The following RORA variants were observed in gnomAD, a reference collection of about 807,000 sequenced individuals.
RORA encodes nuclear receptor ROR-alpha.
In RORA, 7 loss-of-function variants were observed where a neutral mutation model predicts 69.5. The observed-to-expected ratio is 0.10, with a 90% CI of 0.06 to 0.19. The LOEUF (loss-of-function observed/expected upper bound fraction) is 0.19, where lower values mean the gene tolerates loss of function less well. Among genes scored for constraint, RORA ranks in the 10% least tolerant of loss-of-function variants. The pLI is 1.00. For missense variants in RORA, 457 were observed against 663.0 expected (o/e 0.69, Z 3.41); for synonymous variants, 261 against 240.8 (o/e 1.08, Z -0.78).
At chr15:61,201,178 G>A (rs1234021077) in intron 1 of RORA, among the ~76,000 whole-genome samples, 2 of 152,178 alleles carry the variant, frequency 1.3e-5, no homozygotes, top group African/African-American at 4.8e-5. Context: ...ACAGTCCCAG[G>A]TACCCAAGCA....
intron 1 of RORA, among the ~76,000 whole-genome samples, chr15:60,716,189 G>A (rs1224645057): frequency 1.3e-5 from 2 of 152,210 alleles, no homozygotes; most frequent in African/African-American, 4.8e-5. Context: ...ACTTTGAGTA[G>A]CAAGATTCTA....
chr15:61,039,653 G>A (rs1896636898), intron 1 of RORA, among the ~76,000 whole-genome samples: 1 of 151,012 alleles, frequency 6.6e-6, no homozygotes, highest in African/African-American at 2.4e-5. Context: ...GCTGAGGCAG[G>A]CGAATCACTT....
chr15:61,070,301 G>T (rs782934), intron 1 of RORA, among the ~76,000 whole-genome samples: 1 of 152,054 alleles, frequency 6.6e-6, no homozygotes, highest in Non-Finnish European at 1.5e-5. Flanking sequence ...CTAGATACCT[G>T]GTACCTTCTA....
intron 1 of RORA, among the ~76,000 whole-genome samples, chr15:60,855,753 T>G (rs1464241995): frequency 9.5e-5 from 3 of 31,490 alleles, no homozygotes; most frequent in Non-Finnish European, 2.1e-4. Flanking sequence ...CCTGAGTAGC[T>G]GCACAGGCGC....
chr15:60,710,696 T>G (rs942588838), intron 1 of RORA, among the ~76,000 whole-genome samples: 3 of 152,138 alleles, frequency 2.0e-5, no homozygotes, highest in Non-Finnish European at 4.4e-5. Flanking sequence ...ACTCACATTC[T>G]CATGGCTGCA....
In RORA at chr15:60,491,762, A is replaced by G. The variant is rs1044485986; in HGVS notation, c.*5693T>C. ...GTGAAACCAATTGCACTGTGGAGAC[A>G]TTGCTAGTCAGTCTTCTCATCTCTT... On this transcript the variant is annotated 3_prime_UTR_variant, in exon 11 of 11. Coordinates refer to ENST00000335670, the MANE Select transcript of RORA (RefSeq NM_134261.3). The G allele has an allele frequency of 1.3e-5, 2 of 152,066 alleles. No individual in the cohort carries two copies. Among genetic ancestry groups the G allele is most frequent in the African/African-American group, 4.8e-5 (2 of 41,404 alleles). 9.4% of individuals were successfully genotyped at this position (152,066 alleles called of 1,614,324 possible).
intron 1 of RORA, among the ~76,000 whole-genome samples, chr15:60,938,198 A>G (rs1369750494): frequency 6.6e-6 from 1 of 152,226 alleles, no homozygotes; most frequent in Non-Finnish European, 1.5e-5. Context: ...ACATAAACAG[A>G]CACATAGTGT....
At chr15:60,785,195 C>A (rs571595891) in intron 1 of RORA, among the ~76,000 whole-genome samples, 8 of 152,290 alleles carry the variant, frequency 5.3e-5, no homozygotes, top group African/African-American at 1.9e-4. Flanking sequence ...TTTTAATGAA[C>A]AGTTTCAGTG....
Position 60,492,304 on chromosome 15 carries a change from A to G in RORA, c.*5151T>C, listed in dbSNP as rs561563528. 3.3e-5 allele frequency: 5 copies of G among 152,210 alleles called. No individual in the cohort carries two copies. Among genetic ancestry groups the G allele is most frequent in the Admixed American group, 6.5e-5 (1 of 15,280 alleles). 9.4% of individuals were successfully genotyped at this position (152,210 alleles called of 1,614,324 possible). On this transcript the variant is annotated 3_prime_UTR_variant, in exon 11 of 11. Coordinates refer to ENST00000335670, the MANE Select transcript of RORA (RefSeq NM_134261.3). ...ATGTGGAATATGATAACAAAACGGTATTTCAAAAATATAACATGTAACACT... is the reference window on the plus strand; with the variant it reads ...ATGTGGAATATGATAACAAAACGGTGTTTCAAAAATATAACATGTAACACT...
intron 1 of RORA, among the ~76,000 whole-genome samples, chr15:61,164,214 A>G (rs537413454): frequency 1.3e-5 from 2 of 151,986 alleles, no homozygotes; most frequent in Non-Finnish European, 2.9e-5. Context: ...GACTTTGAGT[A>G]TAAGGTTTCA....
chr15:60,790,578 C>A (rs915641213), intron 1 of RORA, among the ~76,000 whole-genome samples: 1 of 152,170 alleles, frequency 6.6e-6, no homozygotes, highest in Non-Finnish European at 1.5e-5. Context: ...TTTAAAGTGC[C>A]TAGGCAAGCC....
intron 1 of RORA, among the ~76,000 whole-genome samples, chr15:61,194,851 A>T (rs1489245230): frequency 6.6e-6 from 1 of 152,120 alleles, no homozygotes. Flanking sequence ...CAAGTTAATT[A>T]ACCTTTCTAA....
At position 60,488,728 on chromosome 15, in the gene RORA, A is replaced by G. The variant is rs1426520844; in HGVS notation, c.*8727T>C. On this transcript the variant is annotated 3_prime_UTR_variant, in exon 11 of 11. Coordinates refer to ENST00000335670, the MANE Select transcript of RORA (RefSeq NM_134261.3). ...AGTTTTTACATACTGTACACAAAAC[A>G]GACAGCATATATTTATAGGTACAGT... 1 of 152,236 alleles carries G rather than the reference A, an allele frequency of 6.6e-6. No homozygotes were observed. The highest frequency in any genetic ancestry group is 6.5e-5 in the Admixed American group (1 of 15,284). The allele number at this position is 152,236 out of a possible 1,614,324, so 9.4% of individuals were successfully genotyped here.
At chr15:60,605,835 T>C (rs1389028945) in intron 2 of RORA, among the ~76,000 whole-genome samples, 1 of 152,242 alleles carries the variant, frequency 6.6e-6, no homozygotes, top group Non-Finnish European at 1.5e-5. Context: ...ATATAAATCG[T>C]CATTAGGAAC....
intron 1 of RORA, among the ~76,000 whole-genome samples, chr15:61,188,950 C>T (rs145674747): frequency 1.4e-3 from 218 of 152,174 alleles, no homozygotes; most frequent in African/African-American, 5.1e-3. Flanking sequence ...AAGTACTCAC[C>T]GAGGAAGAAA....
chr15:60,908,223 C>A (rs1425520689), intron 1 of RORA, among the ~76,000 whole-genome samples: 1 of 152,234 alleles, frequency 6.6e-6, no homozygotes, highest in Non-Finnish European at 1.5e-5. Flanking sequence ...ACCTTCATGC[C>A]TGAGCTGACC....
chr15:60,531,883 AT>A lies in RORA; in HGVS notation c.197-33del. 7.1e-7 allele frequency: 1 copy of A among 1,400,702 alleles called. No homozygotes were observed. The highest frequency in any genetic ancestry group is 9.9e-7 in the Non-Finnish European group (1 of 1,008,768). The allele number at this position is 1,400,702 out of a possible 1,614,324, so 86.8% of individuals were successfully genotyped here. A position where few individuals can be genotyped will look rare whatever the true frequency, so the allele number is the denominator to read the frequency against. On this transcript the variant is annotated intron_variant, in intron 2 of 10. Coordinates refer to ENST00000335670, the MANE Select transcript of RORA (RefSeq NM_134261.3). The surrounding 1 kb of genome is among the most constrained non-coding windows in gnomAD (Gnocchi z 4.8). ...CAGAAGCACGCAACCAGTTAATTAC[AT>A]TTTCTTTTAAACACCTTATAAAAGC...
At chr15:61,228,128 G>A (rs1324754032) in intron 1 of RORA, among the ~76,000 whole-genome samples, 1 of 151,710 alleles carries the variant, frequency 6.6e-6, no homozygotes, top group Non-Finnish European at 1.5e-5. Context: ...CATACAACTT[G>A]CACTGACCAT....
At position 61,179,654 on chromosome 15, in the gene RORA, T is replaced by C. The variant is rs189703022; in HGVS notation, c.166+49399A>G. 2.3e-3 allele frequency among the ~76,000 whole-genome samples: 351 copies of C among 152,306 alleles called. 2 individuals carry two copies. The highest frequency in any genetic ancestry group is 7.9e-3 in the African/African-American group (330 of 41,564). Reference sequence around the variant, plus strand: ...ATCAAAAAGTTTGCCAACCAGTGATTTAGCATAACGCCTGACATATAGTAA... The same window carrying C: ...ATCAAAAAGTTTGCCAACCAGTGATCTAGCATAACGCCTGACATATAGTAA... On this transcript the variant is annotated intron_variant, in intron 1 of 10. Coordinates refer to ENST00000335670, the MANE Select transcript of RORA (RefSeq NM_134261.3).
Sources: gnomAD v4.1 joint callset for allele counts (sites outside exome capture counted in the v4.1 genomes callset) on GRCh38, gnomAD v4.1.1 for gene constraint, Gnocchi (gnomAD v3.1) non-coding constraint, MANE v1.5 for transcripts, NCBI Gene and HGNC (gene_info 2026-07-23, HGNC 2026-07-21) for gene names.